FLI1: variants seen among roughly 807,000 people sequenced by gnomAD.
FLI1 encodes Fli-1 proto-oncogene, ETS transcription factor.
Under a neutral mutation model 53.1 loss-of-function variants are expected in FLI1, and 13 were observed. That is an observed-to-expected ratio of 0.24 (90% CI 0.16 to 0.39). The LOEUF (loss-of-function observed/expected upper bound fraction) is 0.39, where lower values mean the gene tolerates loss of function less well. Ranked by LOEUF, FLI1 falls within the 10% of genes least tolerant of loss-of-function variation. The probability of loss-of-function intolerance (pLI) is 1.00; values close to 1 mark genes in which losing one functional copy is unlikely to be tolerated. For missense variants in FLI1, 424 were observed against 600.5 expected, an observed-to-expected ratio of 0.71 and a Z score of 3.07; for synonymous variants, 244 against 236.7, an observed-to-expected ratio of 1.03 and a Z score of -0.28.
At chr11:128,788,539 A>G (rs1305009622) in intron 5 of FLI1, among the ~76,000 whole-genome samples, 1 of 152,168 alleles carries the variant, frequency 6.6e-6, no homozygotes, top group African/African-American at 2.4e-5. Context: ...ATAAAACTGC[A>G]TGTAATCGAA....
intron 4 of FLI1, among the ~76,000 whole-genome samples, chr11:128,773,550 A>G (rs1296333052): frequency 6.6e-6 from 1 of 151,266 alleles, no homozygotes; most frequent in African/African-American, 2.4e-5. Flanking sequence ...CTTCTGGTAC[A>G]GCCAAGAAAA....
At chr11:128,732,283 A>G (rs1398684417) in intron 1 of FLI1, among the ~76,000 whole-genome samples, 1 of 152,200 alleles carries the variant, frequency 6.6e-6, no homozygotes, top group Non-Finnish European at 1.5e-5. Flanking sequence ...CTAAGGTAGA[A>G]CCGTGCATCT....
chr11:128,762,163 C>T (rs1013809096), intron 2 of FLI1, among the ~76,000 whole-genome samples: 3 of 152,180 alleles, frequency 2.0e-5, no homozygotes, highest in Admixed American at 6.5e-5. Context: ...GAAATAAATG[C>T]CAGGCTCTTT....
In FLI1 at chr11:128,772,862, A is replaced by G; in HGVS notation, c.466A>G (p.Thr156Ala). 3 of 1,614,032 alleles carry G rather than the reference A, an allele frequency of 1.9e-6. No individual in the cohort carries two copies. The highest frequency in any genetic ancestry group is 8.5e-7 in the Non-Finnish European group (1 of 1,179,876). The change falls in exon 4 of 9, where the codon ACA (threonine) becomes GCA (alanine). Residue 156 changes from threonine (T) to alanine (A), a missense_variant. Thr to Ala is a moderately conservative substitution (Grantham distance 58). This residue lies in a region of FLI1 where 114 missense variants were observed against 117.9 expected (regional missense o/e 0.97). Coordinates refer to ENST00000527786, the MANE Select transcript of FLI1 (RefSeq NM_002017.5). ...IKEYSLMEID[T>A]SFFQNMDGKE... ...GGAGTACAGCTTGATGGAGATCGAC[A>G]CATCCTTTTTCCAGAACATGGATGG...
chr11:128,782,091 A>G, intron 5 of FLI1, 68 bp downstream of exon 5: 1 of 1,326,038 alleles, frequency 7.5e-7, no homozygotes, highest in South Asian at 1.2e-5. Context: ...CCATGCTGTT[A>G]AGGTTGTTGC....
At chr11:128,722,142 A>G (rs1171191569) in intron 1 of FLI1, among the ~76,000 whole-genome samples, 2 of 152,214 alleles carry the variant, frequency 1.3e-5, no homozygotes, top group African/African-American at 4.8e-5. Context: ...CAGGAGGTTC[A>G]TGTAAAAATG....
At chr11:128,746,723 C>A (rs1380558612) in intron 1 of FLI1, among the ~76,000 whole-genome samples, 1 of 152,136 alleles carries the variant, frequency 6.6e-6, no homozygotes, top group African/African-American at 2.4e-5. Context: ...AGTCACTCCC[C>A]ACGGAAGCTT....
Position 128,742,834 on chromosome 11 carries a change from G to A in FLI1, c.19-15281G>A, listed in dbSNP as rs115646356. Among the ~76,000 whole-genome samples, 1,193 of 152,280 alleles carry A rather than the reference G, an allele frequency of 7.8e-3. 9 individuals are homozygous for A. The highest frequency in any genetic ancestry group is 0.027 in the African/African-American group (1,101 of 41,544). ...ACGAGTATGCATTTGTTGGTTTTAC[G>A]TGGAATCGTCAGCACATTTTACAGG... On this transcript the variant is annotated intron_variant, in intron 1 of 8. Coordinates refer to ENST00000527786, the MANE Select transcript of FLI1 (RefSeq NM_002017.5).
intron 5 of FLI1, among the ~76,000 whole-genome samples, chr11:128,796,335 T>C (rs2268605): frequency 0.1 from 15,395 of 152,260 alleles, 934 homozygotes; most frequent in East Asian, 0.26. Context: ...GTCTGCAAAA[T>C]AATTATCAGC....
intron 1 of FLI1, among the ~76,000 whole-genome samples, chr11:128,729,350 T>C (rs1939605571): frequency 6.6e-6 from 1 of 152,218 alleles, no homozygotes; most frequent in Non-Finnish European, 1.5e-5. Context: ...CTGTGAGTTT[T>C]GGAACAGGAT....
At chr11:128,777,936 C>T (rs4937375) in intron 4 of FLI1, among the ~76,000 whole-genome samples, 22,069 of 152,194 alleles carry the variant, frequency 0.15, 1,982 homozygotes, top group Non-Finnish European at 0.2. Flanking sequence ...CCCACACCTG[C>T]AAAGCCTCAC....
At chr11:128,763,300 T>A (rs1486688419) in intron 2 of FLI1, among the ~76,000 whole-genome samples, 1 of 152,192 alleles carries the variant, frequency 6.6e-6, no homozygotes, top group Non-Finnish European at 1.5e-5. Context: ...GGGAGTTTTG[T>A]GCTCTCTTTC....
chr11:128,792,351 A>G (rs1942298594), intron 5 of FLI1, among the ~76,000 whole-genome samples: 1 of 152,206 alleles, frequency 6.6e-6, no homozygotes, highest in African/African-American at 2.4e-5. Flanking sequence ...CTACCATCTA[A>G]AAAATCAGGA....
intron 1 of FLI1, among the ~76,000 whole-genome samples, chr11:128,701,660 C>T (rs1938338169): frequency 6.6e-6 from 1 of 152,194 alleles, no homozygotes; most frequent in Non-Finnish European, 1.5e-5. Flanking sequence ...ATCAAAATCT[C>T]AGAGTATGAG....
intron 5 of FLI1, among the ~76,000 whole-genome samples, chr11:128,791,660 C>A (rs1359416465): frequency 3.3e-5 from 5 of 152,218 alleles, no homozygotes; most frequent in African/African-American, 9.7e-5. Flanking sequence ...TGTTTTGGCT[C>A]TATCCACTGC....
At chr11:128,739,613 G>A (rs1940050721) in intron 1 of FLI1, among the ~76,000 whole-genome samples, 1 of 152,136 alleles carries the variant, frequency 6.6e-6, no homozygotes, top group African/African-American at 2.4e-5. Flanking sequence ...AGGCAGTGGT[G>A]TGGGCAGGGG....
chr11:128,800,401 G>A (rs1942597841), intron 5 of FLI1, among the ~76,000 whole-genome samples: 1 of 152,202 alleles, frequency 6.6e-6, no homozygotes, highest in Non-Finnish European at 1.5e-5. Context: ...ATGTCGCTGT[G>A]TTGCTGGCCT....
chr11:128,728,720 C>T (rs960385731), intron 1 of FLI1, among the ~76,000 whole-genome samples: 3 of 152,216 alleles, frequency 2.0e-5, no homozygotes, highest in African/African-American at 7.2e-5. Flanking sequence ...CCTTCAGGCA[C>T]AGAAATTCTC....
chr11:128,710,140 G>C (rs910480735), intron 1 of FLI1, among the ~76,000 whole-genome samples: 1 of 152,124 alleles, frequency 6.6e-6, no homozygotes, highest in African/African-American at 2.4e-5. Context: ...AGGTCATATT[G>C]CTGTCTTTCA....
Sources: allele counts gnomAD v4.1 joint callset (sites outside exome capture counted in the v4.1 genomes callset), GRCh38; gene constraint gnomAD v4.1.1; regional missense constraint gnomAD v4.1.1; transcripts MANE v1.5; gene names NCBI Gene and HGNC (gene_info 2026-07-23, HGNC 2026-07-21).